The following WDFY2 variants were observed in gnomAD, a reference collection of about 807,000 sequenced individuals.
WDFY2 encodes the protein WD repeat and FYVE domain containing 2.
In WDFY2, 36 loss-of-function variants were observed where a neutral mutation model predicts 56.4. That is an observed-to-expected ratio of 0.64 (90% CI 0.49 to 0.84). WDFY2 has a LOEUF of 0.84. WDFY2 is among the 40% of genes least tolerant of loss of function. The pLI is 0.00. For synonymous variants in WDFY2, 176 were observed against 183.7 expected (o/e 0.96, Z 0.34); for missense variants, 444 against 512.2 (o/e 0.87, Z 1.29).
At chr13:51,756,605 C>T in intron 10 of WDFY2, 143 bp downstream of exon 10, 3 of 1,377,972 alleles carry the variant, frequency 2.2e-6, no homozygotes, top group Non-Finnish European at 2.8e-6. Flanking sequence ...TAAAAGCTCT[C>T]CTTTGCCACC....
At chr13:51,598,097 C>A (rs139771283) in intron 1 of WDFY2, among the ~76,000 whole-genome samples, 1 of 152,100 alleles carries the variant, frequency 6.6e-6, no homozygotes, top group African/African-American at 2.4e-5. Context: ...TGGTGGCTCA[C>A]GCCTGTAATC....
chr13:51,754,648 C>T (rs1466215507), intron 8 of WDFY2, among the ~76,000 whole-genome samples: 3 of 152,198 alleles, frequency 2.0e-5, no homozygotes. Flanking sequence ...ATTGCATGCT[C>T]ATATCTTTTG....
intron 3 of WDFY2, among the ~76,000 whole-genome samples, chr13:51,677,039 G>C (rs903421731): frequency 6.6e-6 from 1 of 152,178 alleles, no homozygotes; most frequent in Non-Finnish European, 1.5e-5. Flanking sequence ...TGATAAATTT[G>C]GCTTTGAAGG....
intron 1 of WDFY2, among the ~76,000 whole-genome samples, chr13:51,652,505 G>T (rs1056007831): frequency 1.3e-5 from 2 of 152,142 alleles, no homozygotes; most frequent in African/African-American, 4.8e-5. Context: ...AGCCTCGATG[G>T]TCTTTACAAT....
chr13:51,592,150 A>AG (rs1049940347), intron 1 of WDFY2: 2 of 150,412 alleles, frequency 1.3e-5, no homozygotes, highest in Admixed American at 1.3e-4. Flanking sequence ...AATAAAAAGA[A>AG]AAAAAAAAAG....
chr13:51,723,267 A>G (rs1443700732), intron 5 of WDFY2, among the ~76,000 whole-genome samples: 1 of 152,246 alleles, frequency 6.6e-6, no homozygotes, highest in Non-Finnish European at 1.5e-5. Context: ...AGTAATCACA[A>G]TGCTATTGTT....
At chr13:51,705,693 C>G (rs796237859) in intron 4 of WDFY2, among the ~76,000 whole-genome samples, 1 of 152,066 alleles carries the variant, frequency 6.6e-6, no homozygotes, top group African/African-American at 2.4e-5. Context: ...GATGGGGTAT[C>G]TGTCGCCTCA....
intron 3 of WDFY2, among the ~76,000 whole-genome samples, chr13:51,695,085 A>C (rs972826712): frequency 6.6e-6 from 1 of 152,142 alleles, no homozygotes; most frequent in African/African-American, 2.4e-5. Flanking sequence ...ACATTCGTCT[A>C]AATTTTTTTC....
At chr13:51,643,842 C>T (rs1407058438) in intron 1 of WDFY2, among the ~76,000 whole-genome samples, 1 of 151,614 alleles carries the variant, frequency 6.6e-6, no homozygotes, top group African/African-American at 2.4e-5. Flanking sequence ...TTCCTGTATG[C>T]TAAATACTGT....
intron 1 of WDFY2, among the ~76,000 whole-genome samples, chr13:51,659,752 G>T (rs1955576920): frequency 6.6e-6 from 1 of 152,132 alleles, no homozygotes; most frequent in African/African-American, 2.4e-5. Context: ...CCTCATGGAC[G>T]CCACTAGCTC....
At chr13:51,586,002 C>T in intron 1 of WDFY2, 2 of 398,448 alleles carry the variant, frequency 5.0e-6, no homozygotes, top group Non-Finnish European at 4.4e-6. Context: ...ATACAAATGG[C>T]GCCTGATTAA....
chr13:51,633,311 T>A (rs1954988445), intron 1 of WDFY2, among the ~76,000 whole-genome samples: 1 of 152,212 alleles, frequency 6.6e-6, no homozygotes, highest in Non-Finnish European at 1.5e-5. Context: ...GTGGAGTGAT[T>A]AAGAGTTTAA....
intron 8 of WDFY2, among the ~76,000 whole-genome samples, chr13:51,754,460 C>T (rs1735690393): frequency 6.6e-6 from 1 of 152,208 alleles, no homozygotes; most frequent in South Asian, 2.1e-4. Context: ...TCATGGAGAA[C>T]AGGGAGTTTT....
chr13:51,633,648 A>G (rs1954995311), intron 1 of WDFY2, among the ~76,000 whole-genome samples: 1 of 151,920 alleles, frequency 6.6e-6, no homozygotes, highest in South Asian at 2.1e-4. Context: ...AGTGGTGGAG[A>G]CTTTTTTTCT....
chr13:51,669,493 C>T (rs1036144464), intron 2 of WDFY2, among the ~76,000 whole-genome samples: 1 of 151,880 alleles, frequency 6.6e-6, no homozygotes, highest in African/African-American at 2.4e-5. Context: ...TTTTTTTTAT[C>T]TTATTTGTGC....
At chr13:51,737,237 A>G (rs993375124) in intron 6 of WDFY2, among the ~76,000 whole-genome samples, 9 of 152,166 alleles carry the variant, frequency 5.9e-5, no homozygotes, top group Non-Finnish European at 1.3e-4. Context: ...CCCATGCGCT[A>G]GGTACTGTTT....
chr13:51,758,074 C>T, intron 10 of WDFY2, 118 bp from the exon 11 acceptor site: 1 of 515,542 alleles, frequency 1.9e-6, no homozygotes, highest in Non-Finnish European at 3.5e-6. Context: ...AGGAGCATTC[C>T]TGTCAGTGAA....
chr13:51,627,689 C>T (rs944989361), intron 1 of WDFY2, among the ~76,000 whole-genome samples: 3 of 152,102 alleles, frequency 2.0e-5, no homozygotes, highest in African/African-American at 2.4e-5. Flanking sequence ...CAGCTGGGTC[C>T]GTAGTTCTAA....
intron 5 of WDFY2, among the ~76,000 whole-genome samples, chr13:51,721,528 G>A (rs1378936923): frequency 6.6e-6 from 1 of 152,118 alleles, no homozygotes; most frequent in Non-Finnish European, 1.5e-5. Context: ...ATCTCCAGGA[G>A]TCATCCTCAT....
Sources: gnomAD v4.1 joint callset for allele counts (sites outside exome capture counted in the v4.1 genomes callset) on GRCh38, gnomAD v4.1.1 for gene constraint, MANE v1.5 for transcripts, NCBI Gene and HGNC (gene_info 2026-07-23, HGNC 2026-07-21) for gene names.